Variants in PHLPP1 observed in about 807,000 individuals in gnomAD.
The protein encoded by PHLPP1 is PH domain and leucine rich repeat protein phosphatase 1, also known as PH domain leucine-rich repeat-containing protein phosphatase 1.
In PHLPP1, 42 loss-of-function variants were observed where a neutral mutation model predicts 117.2. That is an observed-to-expected ratio of 0.36 (90% CI 0.28 to 0.46). The LOEUF (loss-of-function observed/expected upper bound fraction) is 0.46, where lower values mean the gene tolerates loss of function less well. Among genes scored for constraint, PHLPP1 ranks in the 20% least tolerant of loss-of-function variants. PHLPP1 has a pLI of 1.00. For synonymous variants in PHLPP1, 1,042 were observed against 970.7 expected (o/e 1.07, Z -1.37); for missense variants, 2,084 against 2,241.9 (o/e 0.93, Z 1.42).
rs1003299269 is a variant in PHLPP1 at position 62,978,593 on chromosome 18, C to T, written c.4316C>T (p.Ala1439Val). The change falls in exon 17 of 17, where the codon GCT becomes GTT. Residue 1439 changes from alanine (A) to valine (V), a missense_variant. By Grantham distance (64) the Ala-to-Val change is moderately conservative. Coordinates refer to ENST00000262719, the MANE Select transcript of PHLPP1 (RefSeq NM_194449.4). The surrounding 1 kb of genome is among the most constrained non-coding windows in gnomAD (Gnocchi z 7.0). Reference protein sequence around the residue: ...FCCCELSAGGAVPPPSPGIFP... With the variant: ...FCCCELSAGGVVPPPSPGIFP... Reference sequence around the variant, plus strand: ...TGCTGCGAGCTCAGCGCCGGTGGGGCTGTGCCACCACCCAGTCCTGGCATC... The same window carrying T: ...TGCTGCGAGCTCAGCGCCGGTGGGGTTGTGCCACCACCCAGTCCTGGCATC... The T allele has an allele frequency of 5.0e-6, 8 of 1,612,872 alleles. No homozygotes were observed. In the Admixed American group the frequency reaches 1.0e-4, roughly 20 times the overall value.
At chr18:62,940,354 CTTTTTTTT>C (rs66530466) in intron 10 of PHLPP1, among the ~76,000 whole-genome samples, 7 of 46,812 alleles carry the variant, frequency 1.5e-4, no homozygotes, top group Admixed American at 6.4e-4. Context: ...TCTTTCTTTT[CTTTTTTTT>C]TTTTTTTTTT....
chr18:62,719,275 G>A (rs928083535), intron 1 of PHLPP1, among the ~76,000 whole-genome samples: 3 of 152,174 alleles, frequency 2.0e-5, no homozygotes, highest in Non-Finnish European at 4.4e-5. Flanking sequence ...TTGCGAAGTT[G>A]TCTAATTGCT....
chr18:62,740,261 A>G (rs1911484736), intron 1 of PHLPP1, among the ~76,000 whole-genome samples: 1 of 152,168 alleles, frequency 6.6e-6, no homozygotes, highest in Non-Finnish European at 1.5e-5. Context: ...TGTGCTTTCT[A>G]TTATATTCTG....
chr18:62,732,594 A>G (rs1489593917), intron 1 of PHLPP1, among the ~76,000 whole-genome samples: 1 of 152,206 alleles, frequency 6.6e-6, no homozygotes, highest in African/African-American at 2.4e-5. Context: ...CCATGGATCA[A>G]GGAGTAATTT....
chr18:62,869,846 T>G (rs1915855704), intron 4 of PHLPP1, among the ~76,000 whole-genome samples: 1 of 152,220 alleles, frequency 6.6e-6, no homozygotes, highest in Non-Finnish European at 1.5e-5. Flanking sequence ...GTGAAGCTGC[T>G]GTTTTGCTGC....
chr18:62,811,632 CTA>C (rs1220818527), intron 1 of PHLPP1, among the ~76,000 whole-genome samples: 3 of 150,822 alleles, frequency 2.0e-5, no homozygotes, highest in African/African-American at 7.3e-5. Context: ...AGTGAGAACT[CTA>C]TGGATTTTGT....
At chr18:62,851,903 A>T (rs555564003) in intron 3 of PHLPP1, among the ~76,000 whole-genome samples, 22 of 151,420 alleles carry the variant, frequency 1.5e-4, no homozygotes, top group African/African-American at 4.4e-4. Context: ...TTGAGACAAG[A>T]TCTCCCTCTG....
intron 1 of PHLPP1, among the ~76,000 whole-genome samples, chr18:62,750,440 G>A (rs536561433): frequency 1.3e-5 from 2 of 152,132 alleles, no homozygotes; most frequent in African/African-American, 4.8e-5. Flanking sequence ...CAGACTTGTT[G>A]CTCTGTGATT....
Position 62,941,777 on chromosome 18 carries a change from C to G in PHLPP1, c.3020C>G (p.Ser1007Cys), listed in dbSNP as rs1910136039. 3 of 1,613,792 alleles carry G rather than the reference C, an allele frequency of 1.9e-6. No individual in the cohort carries two copies. Among genetic ancestry groups the G allele is most frequent in the African/African-American group, 2.7e-5 (2 of 74,928 alleles). The change falls in exon 11 of 17, where the codon TCC (serine) becomes TGC (cysteine). Residue 1007 changes from serine (S) to cysteine (C), a missense_variant. Around this residue, in one of 2 missense-constraint regions of PHLPP1, gnomAD observed 1,365 missense variants for 1,605.9 expected, o/e 0.85. Transcript: ENST00000262719. ...KLESLPPATL[S>C]EETNSILQEL... ...GAAAGCCTTCCTCCAGCCACGCTTT[C>G]CGAAGAGACAAACAGTATCTTACAA...
chr18:62,717,528 C>A (rs1206357798), intron 1 of PHLPP1, among the ~76,000 whole-genome samples: 1 of 152,124 alleles, frequency 6.6e-6, no homozygotes, highest in Non-Finnish European at 1.5e-5. Flanking sequence ...GGAAGCAGAT[C>A]CCTCTGAAAG....
chr18:62,869,956 C>T (rs931323949), intron 4 of PHLPP1, among the ~76,000 whole-genome samples: 6 of 152,252 alleles, frequency 3.9e-5, no homozygotes, highest in African/African-American at 7.2e-5. Context: ...GGCACGATCT[C>T]GCCTCGGCTT....
chr18:62,725,894 A>G (rs1402774311), intron 1 of PHLPP1, among the ~76,000 whole-genome samples: 4 of 152,218 alleles, frequency 2.6e-5, no homozygotes, highest in Non-Finnish European at 5.9e-5. Context: ...AAAAATGCGT[A>G]AGTACACAAG....
chr18:62,939,021 G>A (rs1436344280), intron 10 of PHLPP1, among the ~76,000 whole-genome samples: 18 of 127,260 alleles, frequency 1.4e-4, no homozygotes, highest in Non-Finnish European at 2.0e-4. Flanking sequence ...CCGGAGTTTC[G>A]CTCTTGTTGC....
intron 9 of PHLPP1, among the ~76,000 whole-genome samples, chr18:62,917,396 T>TTGTGTGTGTGTGTGTGTG (rs34407573): frequency 4.1e-3 from 579 of 141,474 alleles, no homozygotes; most frequent in African/African-American, 0.014. Flanking sequence ...ACAGTATTCT[T>TTGTGTGTGTGTGTGTGTG]TGTGTGTGTG....
At chr18:62,963,229 T>G in intron 13 of PHLPP1, 139 bp from the exon 14 acceptor site, 1 of 585,228 alleles carries the variant, frequency 1.7e-6, no homozygotes, top group South Asian at 2.2e-5. Context: ...CTGATAAGTA[T>G]TTCAGACACA....
chr18:62,892,407 A>G (rs947095447), intron 4 of PHLPP1, among the ~76,000 whole-genome samples: 1 of 151,548 alleles, frequency 6.6e-6, no homozygotes, highest in Non-Finnish European at 1.5e-5. Context: ...GTTGTCTTCT[A>G]TTTTGGTGAA....
At chr18:62,894,895 T>C (rs527426262) in intron 4 of PHLPP1, 116 bp from the exon 5 acceptor site, 1 of 855,286 alleles carries the variant, frequency 1.2e-6, no homozygotes, top group African/African-American at 1.7e-5. Flanking sequence ...GGGGCCCCCA[T>C]TTCCTCTTTA....
intron 10 of PHLPP1, among the ~76,000 whole-genome samples, chr18:62,938,450 G>C (rs980761223): frequency 3.3e-5 from 5 of 152,198 alleles, no homozygotes; most frequent in Admixed American, 2.6e-4. Flanking sequence ...ATTGTCTCCT[G>C]CTGAAACATT....
intron 12 of PHLPP1, among the ~76,000 whole-genome samples, chr18:62,953,715 T>C (rs1296750910): frequency 1.3e-5 from 2 of 152,244 alleles, no homozygotes; most frequent in Non-Finnish European, 2.9e-5. Context: ...TTACTTCTTA[T>C]GAAGTCAGTA....
Sources: gnomAD v4.1 joint callset for allele counts (sites outside exome capture counted in the v4.1 genomes callset) on GRCh38, gnomAD v4.1.1 for gene constraint, gnomAD v4.1.1 regional missense constraint, Gnocchi (gnomAD v3.1) non-coding constraint, MANE v1.5 for transcripts, NCBI Gene and HGNC (gene_info 2026-07-23, HGNC 2026-07-21) for gene names.